PAQR3: variants seen among roughly 807,000 people sequenced by gnomAD.
The protein encoded by PAQR3 is Raf kinase trapping to Golgi.
A neutral mutation model predicts 41.7 loss-of-function variants in PAQR3; 39 were observed. That is an observed-to-expected ratio of 0.93 (90% CI 0.72 to 1.22). The LOEUF is 1.22. Among genes scored for constraint, PAQR3 ranks in the 50% most tolerant of loss-of-function variants. The probability of loss-of-function intolerance (pLI) is 0.00; values close to 1 mark genes in which losing one functional copy is unlikely to be tolerated. For synonymous variants in PAQR3, 140 were observed against 140.6 expected (o/e 1.00, Z 0.03); for missense variants, 366 against 385.6 (o/e 0.95, Z 0.42).
In PAQR3 at chr4:78,912,005, G is replaced by A; in HGVS notation, c.*8534C>T. ...CAACCAGTCGAATTAGACCCATTTG[G>A]TGCTGCTCCATTTCCTTCTAAACAG... On this transcript the variant is annotated 3_prime_UTR_variant, in exon 6 of 6. Transcript: ENST00000512733. 6.2e-7 allele frequency: 1 copy of A among 1,612,692 alleles called. No homozygotes were observed. The highest frequency in any genetic ancestry group is 8.5e-7 in the Non-Finnish European group (1 of 1,179,126).
At chr4:78,926,145 A>G (rs1048226170) in intron 4 of PAQR3, among the ~76,000 whole-genome samples, 2 of 152,140 alleles carry the variant, frequency 1.3e-5, no homozygotes, top group African/African-American at 4.8e-5. Flanking sequence ...CCCCTAAAAG[A>G]TCAACTGCTC....
chr4:78,896,192 A>C (rs901165609), intron 11 of PAQR3, among the ~76,000 whole-genome samples: 1 of 152,192 alleles, frequency 6.6e-6, no homozygotes, highest in Non-Finnish European at 1.5e-5. Context: ...TAATAATCCT[A>C]CTGTCACTGC....
Position 78,939,027 on chromosome 4 carries a change from A to G in PAQR3, c.185+13T>C. The stretch of plus-strand genomic sequence containing the variant: ...AGAAGGGGGCACTCCAGGCGGAGGC[A>G]GCCAGACCGTACCTTTTGATACACA... On this transcript the variant is annotated intron_variant, in intron 1 of 5. Transcript: ENST00000512733. The G allele has an allele frequency of 1.3e-6, 2 of 1,585,804 alleles. No homozygotes were observed. The highest frequency in any genetic ancestry group is 1.7e-6 in the Non-Finnish European group (2 of 1,159,846).
Position 78,915,707 on chromosome 4 carries a change from A to T in PAQR3, c.*4832T>A, listed in dbSNP as rs1396050508. 1 of 152,054 alleles carries T rather than the reference A, an allele frequency of 6.6e-6. No individual in the cohort carries two copies. Among genetic ancestry groups the T allele is most frequent in the Non-Finnish European group, 1.5e-5 (1 of 67,934 alleles). 9.4% of individuals were successfully genotyped at this position (152,054 alleles called of 1,614,324 possible). On this transcript the variant is annotated 3_prime_UTR_variant, in exon 6 of 6. Transcript: ENST00000512733. ...TTTTAAAAAATGGAATTGCAACCAC[A>T]ATCATATCTAAGAGAACATTCACTC...
Position 78,920,305 on chromosome 4 carries a change from A to G in PAQR3, c.*234T>C. ...CGTTGTTATTCAGATGTTTCTTATG[A>G]TTGCCAACTAATTTTCACTTTCTGT... On this transcript the variant is annotated 3_prime_UTR_variant, in exon 6 of 6. Coordinates refer to ENST00000512733, the MANE Select transcript of PAQR3 (RefSeq NM_001040202.2). The G allele has an allele frequency of 1.7e-6, 2 of 1,178,792 alleles. No individual in the cohort carries two copies. Among genetic ancestry groups the G allele is most frequent in the South Asian group, 7.8e-5 (2 of 25,500 alleles). The allele number at this position is 1,178,792 out of a possible 1,614,324, so 73.0% of individuals were successfully genotyped here.
Position 78,912,204 on chromosome 4 carries a change from G to A in PAQR3, c.*8335C>T. On this transcript the variant is annotated 3_prime_UTR_variant, in exon 6 of 6. Transcript: ENST00000512733. ...AAGAATGAAGTATCTCTACAGGGTA[G>A]TAACTTGATTCCTCTTCAGGAGAAA... 1.6e-6 allele frequency: 1 copy of A among 611,972 alleles called. No individual in the cohort carries two copies. The highest frequency in any genetic ancestry group is 2.7e-6 in the Non-Finnish European group (1 of 365,302). The allele number at this position is 611,972 out of a possible 1,614,324, so 37.9% of individuals were successfully genotyped here. A position where few individuals can be genotyped will look rare whatever the true frequency, so the allele number is the denominator to read the frequency against.
chr4:78,897,442 T>G (rs1280599874), intron 11 of PAQR3, among the ~76,000 whole-genome samples: 1 of 144,406 alleles, frequency 6.9e-6, no homozygotes, highest in African/African-American at 2.9e-5. Context: ...CTGCTATAAT[T>G]GAATTAAAAA....
intron 11 of PAQR3, among the ~76,000 whole-genome samples, chr4:78,899,464 A>G (rs1434063688): frequency 6.6e-6 from 1 of 152,186 alleles, no homozygotes; most frequent in African/African-American, 2.4e-5. Context: ...TCCAAGACAG[A>G]AATCTTGGCC....
intron 11 of PAQR3, among the ~76,000 whole-genome samples, chr4:78,892,185 A>G: frequency 6.6e-6 from 1 of 152,140 alleles, no homozygotes; most frequent in East Asian, 1.9e-4. Context: ...AAATATTTAG[A>G]ATTCACCTGT....
In PAQR3 at chr4:78,911,989, G is replaced by T; in HGVS notation, c.*8550C>A. The T allele has an allele frequency of 1.2e-6, 2 of 1,613,634 alleles. No individual in the cohort carries two copies. The highest frequency in any genetic ancestry group is 1.7e-6 in the Non-Finnish European group (2 of 1,179,698). On this transcript the variant is annotated 3_prime_UTR_variant, in exon 6 of 6. Transcript: ENST00000512733. Reference sequence around the variant, plus strand: ...TCAGTCCCAACAGTCCCAACCAGTCGAATTAGACCCATTTGGTGCTGCTCC... The same window carrying T: ...TCAGTCCCAACAGTCCCAACCAGTCTAATTAGACCCATTTGGTGCTGCTCC...
At chr4:78,937,620 T>TA (rs1213714738) in intron 1 of PAQR3, among the ~76,000 whole-genome samples, 1 of 152,188 alleles carries the variant, frequency 6.6e-6, no homozygotes, top group African/African-American at 2.4e-5. Flanking sequence ...ACTGAATCTT[T>TA]TTTTACCTCT....
intron 4 of PAQR3, among the ~76,000 whole-genome samples, chr4:78,925,460 C>G (rs1338216793): frequency 6.6e-6 from 1 of 152,128 alleles, no homozygotes; most frequent in Non-Finnish European, 1.5e-5. Flanking sequence ...TCCCAATATC[C>G]TAATTTATGA....
In PAQR3 at chr4:78,915,670, GTTAATGTGAATT is replaced by G. The variant is rs1734988768; in HGVS notation, c.*4857_*4868del. 2 of 151,842 alleles carry G rather than the reference GTTAATGTGAATT, an allele frequency of 1.3e-5. No individual in the cohort carries two copies. The highest frequency in any genetic ancestry group is 2.9e-5 in the Non-Finnish European group (2 of 67,886). The allele number at this position is 151,842 out of a possible 1,614,324, so 9.4% of individuals were successfully genotyped here. On this transcript the variant is annotated 3_prime_UTR_variant, in exon 6 of 6. Transcript: ENST00000512733. Reference sequence around the variant, plus strand: ...GCATGTCACATCTCTCTACTGTGGAGTTAATGTGAATTTTTAAAAAATGGAATTGCAACCACA... The same window carrying G: ...GCATGTCACATCTCTCTACTGTGGAGTTTAAAAAATGGAATTGCAACCACA...
chr4:78,937,240 T>C (rs1022456145), intron 1 of PAQR3, among the ~76,000 whole-genome samples: 1 of 152,160 alleles, frequency 6.6e-6, no homozygotes, highest in Non-Finnish European at 1.5e-5. Flanking sequence ...GATTACCAGA[T>C]GGAGGTTGTT....
chr4:78,911,472 A>G (rs773165631), downstream of PAQR3: 12 of 1,613,954 alleles, frequency 7.4e-6, no homozygotes, highest in Non-Finnish European at 9.3e-6. Flanking sequence ...AGCGCAGCTT[A>G]CAGAAACTGT....
intron 5 of PAQR3, chr4:78,922,874 A>C (rs1396882899): frequency 1.5e-5 from 7 of 455,762 alleles, no homozygotes; most frequent in African/African-American, 6.0e-5. Flanking sequence ...CTTGAACCCA[A>C]GCAGTCTGAC....
Position 78,939,211 on chromosome 4 carries a change from A to C in PAQR3, c.14T>G (p.Leu5Arg), listed in dbSNP as rs965880416. 2 of 1,597,104 alleles carry C rather than the reference A, an allele frequency of 1.3e-6. No homozygotes were observed. The highest frequency in any genetic ancestry group is 2.7e-5 in the African/African-American group (2 of 73,162). MHQKLLKSAHYIELG... is the reference protein window; with the variant it reads MHQKRLKSAHYIELG... ...CTCGATGTAATGCGCGCTCTTCAGC[A>C]GCTTCTGATGCATCGTTCCCGGCCG... Residue 5 changes from leucine to arginine, a missense_variant, in exon 1 of 6, where the codon CTG becomes CGG. Transcript: ENST00000512733.
In PAQR3 at chr4:78,939,348, G is replaced by A. The variant is rs939685821; in HGVS notation, c.-124C>T. ...CGGACGCTGCGCGAGGTCCTACCGC[G>A]CTGCCGCTGCTGCCCAGGGCCCGGC... On this transcript the variant is annotated 5_prime_UTR_variant, in exon 1 of 6. Transcript: ENST00000512733. The A allele has an allele frequency of 2.5e-6, 2 of 795,022 alleles. No homozygotes were observed. The highest frequency in any genetic ancestry group is 3.5e-6 in the Non-Finnish European group (2 of 568,128). The allele number at this position is 795,022 out of a possible 1,614,324, so 49.2% of individuals were successfully genotyped here.
chr4:78,922,874 A>G (rs1396882899), intron 5 of PAQR3: 1 of 455,644 alleles, frequency 2.2e-6, no homozygotes, highest in African/African-American at 2.0e-5. Context: ...CTTGAACCCA[A>G]GCAGTCTGAC....
Sources: gnomAD v4.1 joint callset for allele counts (sites outside exome capture counted in the v4.1 genomes callset) on GRCh38, gnomAD v4.1.1 for gene constraint, MANE v1.5 for transcripts, NCBI Gene and HGNC (gene_info 2026-07-23, HGNC 2026-07-21) for gene names.